LAMA2: variants seen among roughly 807,000 people sequenced by gnomAD.
LAMA2 encodes the protein laminin subunit alpha 2.
Under a neutral mutation model 364.8 loss-of-function variants are expected in LAMA2, and 269 were observed. The ratio of observed to expected loss-of-function variants is 0.74; its 90% CI spans 0.67 to 0.82. The LOEUF (loss-of-function observed/expected upper bound fraction) is 0.82, where lower values mean the gene tolerates loss of function less well. Ranked by LOEUF, LAMA2 falls within the 40% of genes least tolerant of loss-of-function variation. The probability of loss-of-function intolerance (pLI) is 0.00; values close to 1 mark genes in which losing one functional copy is unlikely to be tolerated. For missense variants in LAMA2, 3,807 were observed against 3,873.2 expected, an observed-to-expected ratio of 0.98 and a Z score of 0.45; for synonymous variants, 1,379 against 1,370.6, an observed-to-expected ratio of 1.01 and a Z score of -0.14.
At chr6:129,235,340 G>A (rs1324613257) in intron 12 of LAMA2, among the ~76,000 whole-genome samples, 2 of 152,076 alleles carry the variant, frequency 1.3e-5, no homozygotes, top group Non-Finnish European at 2.9e-5. Context: ...AAAGACACTG[G>A]TGCTCCCCCT....
At chr6:129,130,887 T>G (rs977148712) in intron 4 of LAMA2, among the ~76,000 whole-genome samples, 2 of 152,204 alleles carry the variant, frequency 1.3e-5, no homozygotes, top group African/African-American at 4.8e-5. Flanking sequence ...ATGAAACAGT[T>G]TTGTTGCCAT....
intron 15 of LAMA2, among the ~76,000 whole-genome samples, chr6:129,266,564 C>T (rs1365524358): frequency 6.6e-6 from 1 of 151,998 alleles, no homozygotes; most frequent in Non-Finnish European, 1.5e-5. Context: ...TAGAAATTAG[C>T]TGTGTATGTG....
intron 3 of LAMA2, among the ~76,000 whole-genome samples, chr6:129,092,129 T>A (rs1774875205): frequency 1.3e-5 from 2 of 152,310 alleles, no homozygotes; most frequent in East Asian, 3.9e-4. Flanking sequence ...CTGCAGCTAC[T>A]CAGTACTTTA....
intron 45 of LAMA2, among the ~76,000 whole-genome samples, chr6:129,452,571 C>A (rs1320477319): frequency 1.3e-5 from 2 of 152,078 alleles, no homozygotes; most frequent in Non-Finnish European, 2.9e-5. Flanking sequence ...AAAATAGTTT[C>A]TTAGTTTAAG....
chr6:128,985,343 A>G (rs548322570), intron 1 of LAMA2, among the ~76,000 whole-genome samples: 76 of 152,282 alleles, frequency 5.0e-4, no homozygotes, highest in Admixed American at 4.4e-3. Flanking sequence ...GGCAAAATTC[A>G]GGTCTTTTGA....
At chr6:129,147,370 A>G (rs1778528788) in intron 6 of LAMA2, among the ~76,000 whole-genome samples, 2 of 151,556 alleles carry the variant, frequency 1.3e-5, no homozygotes, top group Admixed American at 6.6e-5. Context: ...CCTGCCATCA[A>G]TCAACCTGAC....
At chr6:129,365,519 C>T (rs906381906) in intron 32 of LAMA2, among the ~76,000 whole-genome samples, 15 of 152,084 alleles carry the variant, frequency 9.9e-5, no homozygotes, top group Admixed American at 4.6e-4. Context: ...CCCGCCACCA[C>T]GCCTGGCTAA....
chr6:129,137,730 A>C (rs1385724410), intron 4 of LAMA2, among the ~76,000 whole-genome samples: 1 of 152,096 alleles, frequency 6.6e-6, no homozygotes, highest in Non-Finnish European at 1.5e-5. Context: ...GCTCTAGTCC[A>C]GTCTATAGTA....
intron 20 of LAMA2, 69 bp from the exon 21 acceptor site, chr6:129,297,616 A>G: frequency 1.4e-6 from 2 of 1,393,812 alleles, no homozygotes; most frequent in East Asian, 2.3e-5. Context: ...GATCTTTGGT[A>G]TTGTGCATCT....
intron 1 of LAMA2, among the ~76,000 whole-genome samples, chr6:128,896,109 A>G (rs4530883): frequency 0.034 from 5,150 of 152,224 alleles, 294 homozygotes; most frequent in African/African-American, 0.12. Flanking sequence ...ATGGGTCTGA[A>G]CATGAGTGGT....
At chr6:129,385,934 T>C (rs187604539) in intron 35 of LAMA2, among the ~76,000 whole-genome samples, 7 of 152,306 alleles carry the variant, frequency 4.6e-5, no homozygotes, top group Admixed American at 2.0e-4. Flanking sequence ...TTATAGATAC[T>C]GTATGCCTCT....
intron 3 of LAMA2, among the ~76,000 whole-genome samples, chr6:129,090,179 A>C (rs1046660432): frequency 1.3e-5 from 2 of 152,190 alleles, no homozygotes; most frequent in African/African-American, 4.8e-5. Context: ...AGTATAGAGA[A>C]TACCGTGGAC....
chr6:129,469,855 C>CA (rs1357750410), intron 51 of LAMA2, among the ~76,000 whole-genome samples: 5 of 151,574 alleles, frequency 3.3e-5, no homozygotes, highest in East Asian at 3.9e-4. Flanking sequence ...TAGGCAGACA[C>CA]AAAAAAATAC....
chr6:129,168,351 A>C (rs1338496719), intron 9 of LAMA2, among the ~76,000 whole-genome samples: 3 of 151,746 alleles, frequency 2.0e-5, no homozygotes, highest in Admixed American at 1.3e-4. Context: ...ATAAGGTGTA[A>C]GGAAGGGATC....
chr6:129,177,927 C>T, intron 10 of LAMA2, 61 bp downstream of exon 10: 2 of 1,534,582 alleles, frequency 1.3e-6, no homozygotes, highest in Non-Finnish European at 1.8e-6. Context: ...TTCTTGGCTT[C>T]TCTGTTGATT....
At chr6:129,008,805 G>A (rs993822144) in intron 1 of LAMA2, among the ~76,000 whole-genome samples, 3 of 152,084 alleles carry the variant, frequency 2.0e-5, no homozygotes, top group Non-Finnish European at 4.4e-5. Flanking sequence ...TTACTTTTTG[G>A]ATAGAATCAG....
rs756479964 is a variant in LAMA2, at chr6:129,516,272, C to G, written c.9294C>G (p.Gly3098=). 4 of 1,613,774 alleles carry G rather than the reference C, an allele frequency of 2.5e-6. No individual in the cohort carries two copies. The South Asian group carries it at 4.4e-5, about 18-fold the overall frequency. ...IRSLKLTKGT[G]KPLEVNFAKA... is the part of the protein sequence containing the mutation. ...CCCTGAAGCTCACCAAAGGCACAGGCAAGCCACTGGAGGTTAATTTTGCCA... is the reference window on the plus strand; with the variant it reads ...CCCTGAAGCTCACCAAAGGCACAGGGAAGCCACTGGAGGTTAATTTTGCCA... Residue 3098 remains glycine (G), a synonymous_variant, in exon 65 of 65, where the codon GGC becomes GGG. Transcript: ENST00000421865.
chr6:129,311,274 A>G (rs1029410531), intron 22 of LAMA2, among the ~76,000 whole-genome samples: 7 of 152,030 alleles, frequency 4.6e-5, no homozygotes, highest in Non-Finnish European at 1.0e-4. Context: ...GGCGTCCGCC[A>G]CCACGCCCGG....
At chr6:129,344,412 A>C (rs1444999401) in intron 30 of LAMA2, among the ~76,000 whole-genome samples, 6 of 152,216 alleles carry the variant, frequency 3.9e-5, no homozygotes, top group Admixed American at 2.0e-4. Context: ...GGTTACCCCC[A>C]AAAATGGTGG....
Sources: gnomAD v4.1 joint callset for allele counts (sites outside exome capture counted in the v4.1 genomes callset) on GRCh38, gnomAD v4.1.1 for gene constraint, MANE v1.5 for transcripts, NCBI Gene and HGNC (gene_info 2026-07-23, HGNC 2026-07-21) for gene names.